ZNF875: variants seen among roughly 807,000 people sequenced by gnomAD.
The protein encoded by ZNF875 is zinc finger protein 875, also known as HKR1, GLI-Kruppel zinc finger family member.
A neutral mutation model predicts 11.2 loss-of-function variants in ZNF875; 14 were observed. The ratio of observed to expected loss-of-function variants is 1.26; its 90% CI spans 0.83 to 1.96. ZNF875 has a LOEUF of 1.96. Ranked by LOEUF, ZNF875 falls within the 30% of genes most tolerant of loss-of-function variation. ZNF875 has a pLI of 0.00. For missense variants in ZNF875, 752 were observed against 760.4 expected (o/e 0.99, Z 0.13); for synonymous variants, 301 against 281.1 (o/e 1.07, Z -0.71).
chr19:37,337,131 C>T (rs2034635398), intron 2 of ZNF875: 2 of 150,966 alleles, frequency 1.3e-5, no homozygotes, highest in African/African-American at 4.9e-5. Flanking sequence ...TTGAGCTGAA[C>T]AACGTCTTTA....
upstream of ZNF875, among the ~76,000 whole-genome samples, chr19:37,333,210 A>G (rs1178388112): frequency 6.6e-6 from 1 of 152,120 alleles, no homozygotes; most frequent in Non-Finnish European, 1.5e-5. Flanking sequence ...GATTTGGATT[A>G]TCTCAGGATC....
chr19:37,352,461 C>G (rs2038082632), intron 4 of ZNF875, among the ~76,000 whole-genome samples: 1 of 152,076 alleles, frequency 6.6e-6, no homozygotes, highest in African/African-American at 2.4e-5. Context: ...CCAGGCTGGT[C>G]TCGAACTCCT....
At chr19:37,353,428 G>A (rs1389467970) in intron 4 of ZNF875, among the ~76,000 whole-genome samples, 3 of 152,116 alleles carry the variant, frequency 2.0e-5, no homozygotes, top group South Asian at 2.1e-4. Context: ...TTAAGCCATC[G>A]TATAGTAATA....
chr19:37,336,130 G>C (rs560570147), intron 2 of ZNF875, among the ~76,000 whole-genome samples: 1 of 152,234 alleles, frequency 6.6e-6, no homozygotes, highest in East Asian at 1.9e-4. Flanking sequence ...TGGTTAGGGA[G>C]GCCTCCTAGA....
At chr19:37,329,186 C>T (rs2145799123) in intron 4 of ZNF875, 1 of 152,346 alleles carries the variant, frequency 6.6e-6, no homozygotes, top group African/African-American at 2.4e-5. Flanking sequence ...CTGGATCCTC[C>T]TGGAATCCCT....
intron 1 of ZNF875, among the ~76,000 whole-genome samples, chr19:37,319,151 A>G (rs991817985): frequency 6.7e-6 from 1 of 150,250 alleles, no homozygotes; most frequent in African/African-American, 2.5e-5. Flanking sequence ...GGTTCAAGCT[A>G]TTCTCCTGCC....
chr19:37,334,607 T>C (rs563518108), upstream of ZNF875: 340 of 444,990 alleles, frequency 7.6e-4, 2 homozygotes, highest in Non-Finnish European at 1.4e-3. Context: ...TCACTTCCGC[T>C]CCCCTCCCTA....
chr19:37,355,177 G>GT lies in ZNF875; in HGVS notation c.257-6927dup, dbSNP rs969825230. Reference sequence around the variant, plus strand: ...ATGTATGTTCATATGTGTTTGTTTTGTTTTTGTCTTTGTTTTTGTTTTTGT... The same window carrying GT: ...ATGTATGTTCATATGTGTTTGTTTTGTTTTTTGTCTTTGTTTTTGTTTTTGT... On this transcript the variant is annotated intron_variant, in intron 4 of 4. Transcript: ENST00000392153. Among the ~76,000 whole-genome samples the GT allele has an allele frequency of 1.6e-4, 24 of 151,996 alleles. 1 individual carries two copies. The highest frequency in any genetic ancestry group is 5.8e-4 in the African/African-American group (24 of 41,444).
intron 1 of ZNF875, among the ~76,000 whole-genome samples, chr19:37,319,796 C>T (rs1268068722): frequency 1.3e-5 from 2 of 152,164 alleles, no homozygotes; most frequent in Non-Finnish European, 2.9e-5. Flanking sequence ...TTTCCTCTCT[C>T]TCTTCTCTTG....
chr19:37,362,574 T>C lies in ZNF875; in HGVS notation c.722T>C (p.Leu241Pro). Residue 241 changes from leucine (L) to proline (P), a missense_variant, in exon 5 of 5, where the codon CTC (leucine) becomes CCC (proline). Transcript: ENST00000392153. ...FGPGFIKESN[L>P]LSLQKTQTGE... is the part of the protein sequence containing the mutation. The stretch of plus-strand genomic sequence containing the variant: ...CCAGGCTTTATCAAGGAGTCAAACC[T>C]CCTTAGCCTCCAGAAGACACAAACT... 6.2e-7 allele frequency: 1 copy of C among 1,614,076 alleles called. No homozygotes were observed. Among genetic ancestry groups the C allele is most frequent in the Non-Finnish European group, 8.5e-7 (1 of 1,180,018 alleles).
intron 4 of ZNF875, among the ~76,000 whole-genome samples, chr19:37,358,942 C>G (rs1221257885): frequency 6.6e-6 from 1 of 151,796 alleles, no homozygotes; most frequent in East Asian, 1.9e-4. Context: ...CTGTTGTAGC[C>G]CATGCTGGAG....
At chr19:37,341,723 A>C (rs145863312) in intron 2 of ZNF875, among the ~76,000 whole-genome samples, 1 of 152,172 alleles carries the variant, frequency 6.6e-6, no homozygotes, top group Non-Finnish European at 1.5e-5. Flanking sequence ...CAAAAGTTTC[A>C]TCTTGATTCA....
chr19:37,342,229 T>G (rs894815671), intron 2 of ZNF875, among the ~76,000 whole-genome samples: 2 of 152,168 alleles, frequency 1.3e-5, no homozygotes, highest in Non-Finnish European at 2.9e-5. Context: ...TGAGTTTATT[T>G]TTTTATTTTG....
At position 37,362,464 on chromosome 19, in the gene ZNF875, G is replaced by C. The variant is rs34809375; in HGVS notation, c.612G>C (p.Arg204=). 4.3e-3 allele frequency: 6,893 copies of C among 1,614,144 alleles called. 208 individuals are homozygous for C. In the Admixed American group the frequency reaches 0.061, roughly 14 times the overall value. Residue 204 remains arginine, a synonymous_variant, in exon 5 of 5, where the codon CGG becomes CGC. Coordinates refer to ENST00000392153, the MANE Select transcript of ZNF875 (RefSeq NM_001353803.2). ...TGGATATAGGGTCCAGCCCTGAACGGAGGGCAGATCTAGAGGAAACAGACA... is the reference window on the plus strand; with the variant it reads ...TGGATATAGGGTCCAGCCCTGAACGCAGGGCAGATCTAGAGGAAACAGACA... ...TVVDIGSSPE[R]RADLEETDKV... is the part of the protein sequence containing the mutation.
upstream of ZNF875, among the ~76,000 whole-genome samples, chr19:37,330,708 TTTAG>T (rs571131510): frequency 9.4e-4 from 143 of 152,316 alleles, no homozygotes; most frequent in South Asian, 4.8e-3. Context: ...AGTCTTGGTT[TTTAG>T]TTTTATTCAT....
chr19:37,346,688 A>G (rs2036829173), intron 2 of ZNF875: 1 of 160,350 alleles, frequency 6.2e-6, no homozygotes, highest in African/African-American at 2.4e-5. Flanking sequence ...GTTTGCTCTT[A>G]TCCTCCCTAG....
At chr19:37,350,903 C>T (rs1286338793) in intron 4 of ZNF875, among the ~76,000 whole-genome samples, 1 of 147,786 alleles carries the variant, frequency 6.8e-6, no homozygotes, top group Admixed American at 6.9e-5. Flanking sequence ...CTACTGGACT[C>T]AAGCGATTCT....
At chr19:37,361,913 T>TAA in intron 4 of ZNF875, 196 bp from the exon 5 acceptor site, 27 of 460,574 alleles carry the variant, frequency 5.9e-5, no homozygotes, top group Admixed American at 8.2e-5. Context: ...AGACTCCGTT[T>TAA]AAAAAAAAAA....
intron 4 of ZNF875, among the ~76,000 whole-genome samples, chr19:37,361,307 C>T (rs961449010): frequency 3.3e-5 from 5 of 152,134 alleles, no homozygotes; most frequent in South Asian, 2.1e-4. Context: ...GACAGGGTTT[C>T]GCCATGTTGG....
Sources: gnomAD v4.1 joint callset for allele counts (sites outside exome capture counted in the v4.1 genomes callset) on GRCh38, gnomAD v4.1.1 for gene constraint, MANE v1.5 for transcripts, NCBI Gene and HGNC (gene_info 2026-07-23, HGNC 2026-07-21) for gene names.